LHFPL3: variants seen among roughly 807,000 people sequenced by gnomAD.
LHFPL3 encodes LHFPL tetraspan subfamily member 3.
Under a neutral mutation model 19.3 loss-of-function variants are expected in LHFPL3, and 5 were observed. That is an observed-to-expected ratio of 0.26 (90% CI 0.14 to 0.54). LHFPL3 has a LOEUF of 0.54. Ranked by LOEUF, LHFPL3 falls within the 20% of genes least tolerant of loss-of-function variation. The pLI is 0.94. For missense variants in LHFPL3, 249 were observed against 307.4 expected (o/e 0.81, Z 1.42); for synonymous variants, 133 against 126.2 (o/e 1.05, Z -0.36).
chr7:104,875,847 C>T (rs1217207614), intron 2 of LHFPL3, among the ~76,000 whole-genome samples: 2 of 152,186 alleles, frequency 1.3e-5, no homozygotes, highest in African/African-American at 4.8e-5. Context: ...GCACACTGTA[C>T]GTTTGCCAAA....
chr7:104,791,821 T>C (rs906395080), intron 2 of LHFPL3, among the ~76,000 whole-genome samples: 2 of 152,112 alleles, frequency 1.3e-5, no homozygotes, highest in Non-Finnish European at 2.9e-5. Flanking sequence ...GATGACTATG[T>C]CTTGGTTCAC....
chr7:104,735,435 C>T (rs1199981920), intron 1 of LHFPL3, among the ~76,000 whole-genome samples: 1 of 152,228 alleles, frequency 6.6e-6, no homozygotes, highest in East Asian at 1.9e-4. Flanking sequence ...CCTCTCCCAG[C>T]CTAGCTGCCA....
At chr7:104,773,145 G>T (rs1463947884) in intron 2 of LHFPL3, among the ~76,000 whole-genome samples, 3 of 152,240 alleles carry the variant, frequency 2.0e-5, no homozygotes, top group Admixed American at 2.0e-4. Context: ...CTGCCTCTGA[G>T]CCAGAGAAGT....
intron 1 of LHFPL3, among the ~76,000 whole-genome samples, chr7:104,571,318 CAA>C (rs1448854185): frequency 6.6e-6 from 1 of 151,996 alleles, no homozygotes; most frequent in East Asian, 1.9e-4. Context: ...TTCATTAAAC[CAA>C]ACTCTTTCCT....
chr7:104,424,714 G>A (rs927198099), intron 1 of LHFPL3, among the ~76,000 whole-genome samples: 2 of 152,038 alleles, frequency 1.3e-5, no homozygotes, highest in African/African-American at 2.4e-5. Flanking sequence ...TGACTTGGCC[G>A]GGCGCGGTGG....
intron 1 of LHFPL3, among the ~76,000 whole-genome samples, chr7:104,584,300 G>C (rs1790520315): frequency 6.6e-6 from 1 of 151,894 alleles, no homozygotes; most frequent in South Asian, 2.1e-4. Flanking sequence ...ACACACTAGG[G>C]ACTGTTGTGG....
intron 1 of LHFPL3, among the ~76,000 whole-genome samples, chr7:104,681,609 G>A (rs1056813395): frequency 9.8e-5 from 14 of 143,220 alleles, no homozygotes; most frequent in Non-Finnish European, 2.0e-4. Flanking sequence ...GTGACAGAGC[G>A]AGACTAAGGC....
chr7:104,738,214 A>T (rs1793866234), intron 2 of LHFPL3, among the ~76,000 whole-genome samples: 1 of 152,180 alleles, frequency 6.6e-6, no homozygotes, highest in Non-Finnish European at 1.5e-5. Flanking sequence ...ACCTTCTCAG[A>T]GCTGCCCTTT....
Position 104,906,311 on chromosome 7 carries a change from C to A in LHFPL3, c.*96C>A. On this transcript the variant is annotated 3_prime_UTR_variant, in exon 3 of 3. Coordinates refer to ENST00000424859, the MANE Select transcript of LHFPL3 (RefSeq NM_199000.3). Reference sequence around the variant, plus strand: ...ACATCAACATCAAGAAGGAATACGCCTGAGAGAGATCAGAGTATATAGATG... The same window carrying A: ...ACATCAACATCAAGAAGGAATACGCATGAGAGAGATCAGAGTATATAGATG... 1.5e-6 allele frequency: 2 copies of A among 1,367,002 alleles called. No homozygotes were observed. The highest frequency in any genetic ancestry group is 2.0e-6 in the Non-Finnish European group (2 of 979,082). 84.7% of individuals were successfully genotyped at this position (1,367,002 alleles called of 1,614,324 possible).
In LHFPL3 at chr7:104,832,624, CT is replaced by C. The variant is rs10636405; in HGVS notation, c.683-73548del. On this transcript the variant is annotated intron_variant, in intron 2 of 2. Coordinates refer to ENST00000424859, the MANE Select transcript of LHFPL3 (RefSeq NM_199000.3). Reference sequence around the variant, plus strand: ...TCTCTCTGACATTTCTTTTTTCCTTCTTTTTTTTTTTTTTTGATATTTCTAC... The same window carrying C: ...TCTCTCTGACATTTCTTTTTTCCTTCTTTTTTTTTTTTTTGATATTTCTAC... Among the ~76,000 whole-genome samples the C allele has an allele frequency of 6.8e-3, 902 of 132,010 alleles. 18 individuals carry two copies. Among genetic ancestry groups the C allele is most frequent in the African/African-American group, 0.024 (846 of 34,676 alleles). 86.6% of individuals were successfully genotyped at this position (132,010 alleles called of 152,430 possible).
At chr7:104,670,856 G>GTT (rs1262265309) in intron 1 of LHFPL3, among the ~76,000 whole-genome samples, 6 of 133,586 alleles carry the variant, frequency 4.5e-5, no homozygotes, top group African/African-American at 1.3e-4. Context: ...AGACCAATGT[G>GTT]TTTTGTTTTG....
chr7:104,614,385 C>G (rs537634885), intron 1 of LHFPL3, among the ~76,000 whole-genome samples: 22 of 152,078 alleles, frequency 1.4e-4, no homozygotes, highest in Admixed American at 5.2e-4. Context: ...TGATTTAATA[C>G]CTGTGTCCCT....
chr7:104,333,273 T>C (rs1489938164), intron 1 of LHFPL3, among the ~76,000 whole-genome samples: 1 of 152,242 alleles, frequency 6.6e-6, no homozygotes, highest in Non-Finnish European at 1.5e-5. Context: ...AGTTTTCTTT[T>C]CTTTTTATAA....
In LHFPL3 at chr7:104,592,296, G is replaced by A. The variant is rs545751121; in HGVS notation, c.446-144379G>A. On this transcript the variant is annotated intron_variant, in intron 1 of 2. Coordinates refer to ENST00000424859, the MANE Select transcript of LHFPL3 (RefSeq NM_199000.3). ...TTTGATGATGGTGACGTACAGATGG[G>A]GTTTTGGTGTGGATATCCTTTCTGT... Among the ~76,000 whole-genome samples, 7 of 152,180 alleles carry A rather than the reference G, an allele frequency of 4.6e-5. No individual in the cohort carries two copies. In the South Asian group the frequency reaches 1.5e-3, roughly 32 times the overall value.
At chr7:104,828,656 G>C (rs1231935738) in intron 2 of LHFPL3, among the ~76,000 whole-genome samples, 1 of 151,972 alleles carries the variant, frequency 6.6e-6, no homozygotes. Context: ...CAGGAGTGGG[G>C]TGAAAACTCC....
At chr7:104,477,193 G>T (rs1339917896) in intron 1 of LHFPL3, among the ~76,000 whole-genome samples, 3 of 152,036 alleles carry the variant, frequency 2.0e-5, no homozygotes, top group Non-Finnish European at 2.9e-5. Flanking sequence ...GTCTCACTTT[G>T]TTGCCCAGGC....
At chr7:104,699,592 G>A (rs1793063110) in intron 1 of LHFPL3, among the ~76,000 whole-genome samples, 1 of 152,188 alleles carries the variant, frequency 6.6e-6, no homozygotes, top group African/African-American at 2.4e-5. Context: ...TTCAGTTGGG[G>A]AAGATGAAAA....
intron 2 of LHFPL3, among the ~76,000 whole-genome samples, chr7:104,890,074 G>C (rs1464350265): frequency 6.6e-6 from 1 of 152,144 alleles, no homozygotes; most frequent in Non-Finnish European, 1.5e-5. Flanking sequence ...CGAGGCAGGA[G>C]GATTACTTGA....
At chr7:104,889,819 T>TA (rs950146594) in intron 2 of LHFPL3, among the ~76,000 whole-genome samples, 5 of 152,204 alleles carry the variant, frequency 3.3e-5, no homozygotes, top group African/African-American at 4.8e-5. Context: ...TGGAAACATT[T>TA]AAAATCAATG....
Sources: allele counts gnomAD v4.1 joint callset (sites outside exome capture counted in the v4.1 genomes callset), GRCh38; gene constraint gnomAD v4.1.1; transcripts MANE v1.5; gene names NCBI Gene and HGNC (gene_info 2026-07-23, HGNC 2026-07-21).